SDCCAG8: variants seen among roughly 807,000 people sequenced by gnomAD.
SDCCAG8 encodes SHH signaling and ciliogenesis regulator SDCCAG8, also known as serologically defined colon cancer antigen 8.
In SDCCAG8, 74 loss-of-function variants were observed where a neutral mutation model predicts 101.8. That is an observed-to-expected ratio of 0.73 (90% CI 0.60 to 0.88). The LOEUF is 0.88. Among genes scored for constraint, SDCCAG8 ranks in the 40% least tolerant of loss-of-function variants. The pLI is 0.00. For missense variants in SDCCAG8, 787 were observed against 822.6 expected (o/e 0.96, Z 0.53); for synonymous variants, 281 against 292.9 (o/e 0.96, Z 0.41).
At chr1:243,443,273 T>G (rs1333599947) in intron 16 of SDCCAG8, among the ~76,000 whole-genome samples, 2 of 152,194 alleles carry the variant, frequency 1.3e-5, no homozygotes, top group African/African-American at 2.4e-5. Flanking sequence ...CTTGGAACAA[T>G]TCATACAAAA....
At chr1:243,498,402 C>T (rs1399151361) in intron 17 of SDCCAG8, among the ~76,000 whole-genome samples, 1 of 152,172 alleles carries the variant, frequency 6.6e-6, no homozygotes, top group African/African-American at 2.4e-5. Context: ...AAATTGTCCA[C>T]CTGGCTCCAC....
intron 16 of SDCCAG8, among the ~76,000 whole-genome samples, chr1:243,443,247 T>A (rs992172168): frequency 6.6e-6 from 1 of 152,192 alleles, no homozygotes; most frequent in Non-Finnish European, 1.5e-5. Context: ...AAGGAAAGTA[T>A]TTGCTTGCTA....
chr1:243,478,220 G>A lies in SDCCAG8; in HGVS notation c.1986-10794G>A, dbSNP rs80049490. Among the ~76,000 whole-genome samples the A allele has an allele frequency of 6.5e-3, 995 of 152,198 alleles. 11 individuals carry two copies. The highest frequency in any genetic ancestry group is 8.7e-3 in the Non-Finnish European group (592 of 67,998). ...GACATGGAATAGAAGAATGTCGGGC[G>A]TTTCAAAAAAGGATTTTGAGATGCT... On this transcript the variant is annotated intron_variant, in intron 16 of 17. Transcript: ENST00000366541.
At chr1:243,438,595 C>T (rs1251834777) in intron 16 of SDCCAG8, among the ~76,000 whole-genome samples, 2 of 151,832 alleles carry the variant, frequency 1.3e-5, no homozygotes, top group South Asian at 2.1e-4. Flanking sequence ...GGAGGTAGAC[C>T]CCTCAGAAGT....
intron 1 of SDCCAG8, chr1:243,267,679 C>G (rs1345575391): frequency 2.8e-5 from 22 of 772,524 alleles, no homozygotes; most frequent in Non-Finnish European, 7.2e-6. Context: ...GAGTTACTCT[C>G]TGTACTAAGC....
At chr1:243,330,183 G>A (rs758937247) in intron 9 of SDCCAG8, among the ~76,000 whole-genome samples, 9 of 152,234 alleles carry the variant, frequency 5.9e-5, no homozygotes, top group Non-Finnish European at 1.2e-4. Context: ...GGATACTTAC[G>A]TATTTCGTGT....
chr1:243,400,968 G>A (rs1266878888), intron 13 of SDCCAG8, among the ~76,000 whole-genome samples: 3 of 152,136 alleles, frequency 2.0e-5, no homozygotes, highest in African/African-American at 7.2e-5. Flanking sequence ...AGGAAGAAAT[G>A]GAGCAACTCA....
At position 243,400,069 on chromosome 1, in the gene SDCCAG8, A is replaced by G. The variant is rs528445406; in HGVS notation, c.1617-15633A>G. Among the ~76,000 whole-genome samples, 378 of 152,252 alleles carry G rather than the reference A, an allele frequency of 2.5e-3. 1 individual carries two copies. Among genetic ancestry groups the G allele is most frequent in the Non-Finnish European group, 4.3e-3 (294 of 68,016 alleles). On this transcript the variant is annotated intron_variant, in intron 13 of 17. Transcript: ENST00000366541. ...CGACTACGATTTTATCCATTACACT[A>G]TATTGCCTCTGATGGTGGATGTTGT...
At chr1:243,289,423 A>G (rs1467265235) in intron 5 of SDCCAG8, among the ~76,000 whole-genome samples, 4 of 152,206 alleles carry the variant, frequency 2.6e-5, no homozygotes, top group Non-Finnish European at 5.9e-5. Context: ...ATCCTCACAG[A>G]CACACCCAGG....
chr1:243,292,098 G>A (rs2070326310), intron 5 of SDCCAG8, among the ~76,000 whole-genome samples: 1 of 152,174 alleles, frequency 6.6e-6, no homozygotes, highest in South Asian at 2.1e-4. Flanking sequence ...TGGAGTTTGG[G>A]TACACCACCC....
At chr1:243,442,091 A>C (rs572352609) in intron 16 of SDCCAG8, among the ~76,000 whole-genome samples, 1 of 152,330 alleles carries the variant, frequency 6.6e-6, no homozygotes, top group Non-Finnish European at 1.5e-5. Flanking sequence ...TTCAAAATGA[A>C]TTCATGTTGG....
chr1:243,377,145 G>C (rs1250666422), intron 12 of SDCCAG8, among the ~76,000 whole-genome samples: 2 of 151,974 alleles, frequency 1.3e-5, no homozygotes, highest in Non-Finnish European at 2.9e-5. Context: ...ATTAACTACT[G>C]AGTTTAGAGA....
intron 13 of SDCCAG8, among the ~76,000 whole-genome samples, chr1:243,405,771 T>G (rs1176033141): frequency 6.6e-6 from 1 of 152,020 alleles, no homozygotes; most frequent in Non-Finnish European, 1.5e-5. Context: ...CATGCATTAC[T>G]CTGTCATACT....
chr1:243,484,542 C>T (rs1176752038), intron 16 of SDCCAG8, among the ~76,000 whole-genome samples: 1 of 152,234 alleles, frequency 6.6e-6, no homozygotes, highest in Non-Finnish European at 1.5e-5. Context: ...CAGCATACGA[C>T]GATCATGAGC....
At position 243,338,210 on chromosome 1, in the gene SDCCAG8, C is replaced by T. The variant is rs531492759; in HGVS notation, c.1222-2829C>T. Among the ~76,000 whole-genome samples the T allele has an allele frequency of 9.9e-5, 15 of 152,230 alleles. No individual in the cohort carries two copies. In the East Asian group the frequency reaches 2.1e-3, roughly 22 times the overall value. Reference sequence around the variant, plus strand: ...GATTCCAAGCATGAGCCACAGTGCCCGGCCTTTCTAAGGGGATTTAAAGAG... The same window carrying T: ...GATTCCAAGCATGAGCCACAGTGCCTGGCCTTTCTAAGGGGATTTAAAGAG... On this transcript the variant is annotated intron_variant, in intron 10 of 17. Transcript: ENST00000366541.
At chr1:243,388,412 G>T (rs184913654) in intron 13 of SDCCAG8, among the ~76,000 whole-genome samples, 1 of 152,244 alleles carries the variant, frequency 6.6e-6, no homozygotes, top group East Asian at 1.9e-4. Flanking sequence ...GCACTTTTGG[G>T]TGCTGTGGCT....
At chr1:243,389,154 C>CT (rs1042348398) in intron 13 of SDCCAG8, among the ~76,000 whole-genome samples, 2 of 149,646 alleles carry the variant, frequency 1.3e-5, no homozygotes, top group African/African-American at 2.5e-5. Context: ...CCCCCCTCCC[C>CT]CCCCCAAAAA....
At chr1:243,461,889 G>A (rs1171299366) in intron 16 of SDCCAG8, among the ~76,000 whole-genome samples, 4 of 152,086 alleles carry the variant, frequency 2.6e-5, no homozygotes, top group Non-Finnish European at 5.9e-5. Flanking sequence ...GTTCCCATGT[G>A]CAAAGGTCTT....
chr1:243,426,632 T>A, intron 16 of SDCCAG8, 74 bp downstream of exon 16: 1 of 1,563,928 alleles, frequency 6.4e-7, no homozygotes, highest in Non-Finnish European at 8.8e-7. Context: ...GGGGAATTGC[T>A]GCGGAATAAG....
Sources: allele counts gnomAD v4.1 joint callset (sites outside exome capture counted in the v4.1 genomes callset), GRCh38; gene constraint gnomAD v4.1.1; transcripts MANE v1.5; gene names NCBI Gene and HGNC (gene_info 2026-07-23, HGNC 2026-07-21).